The following FOXP1 variants were observed in gnomAD, a reference collection of about 807,000 sequenced individuals.
FOXP1 encodes the protein forkhead box protein P1.
A neutral mutation model predicts 98.2 loss-of-function variants in FOXP1; 15 were observed. That is an observed-to-expected ratio of 0.15 (90% CI 0.10 to 0.24). FOXP1 has a LOEUF of 0.24. Ranked by LOEUF, FOXP1 falls within the 10% of genes least tolerant of loss-of-function variation. The probability of loss-of-function intolerance (pLI) is 1.00; values close to 1 mark genes in which losing one functional copy is unlikely to be tolerated. For synonymous variants in FOXP1, 371 were observed against 314.5 expected (o/e 1.18, Z -1.90); for missense variants, 633 against 848.5 (o/e 0.75, Z 3.15).
rs2166780 is a variant in FOXP1, at chr3:71,163,647, T to C, written c.180+34555A>G. 1.6e-3 allele frequency among the ~76,000 whole-genome samples: 240 copies of C among 152,078 alleles called. 1 individual carries two copies. Among genetic ancestry groups the C allele is most frequent in the African/African-American group, 5.4e-3 (226 of 41,478 alleles). On this transcript the variant is annotated intron_variant, in intron 6 of 20. Coordinates refer to ENST00000649528, the MANE Select transcript of FOXP1 (RefSeq NM_001349338.3). ...CTTGTCAACTCGATATTTTCTCACATTTCAGAACAAGCAGGGAAACAACAA... is the reference window on the plus strand; with the variant it reads ...CTTGTCAACTCGATATTTTCTCACACTTCAGAACAAGCAGGGAAACAACAA...
intron 6 of FOXP1, among the ~76,000 whole-genome samples, chr3:71,139,165 T>G (rs892204893): frequency 6.6e-6 from 1 of 152,160 alleles, no homozygotes; most frequent in South Asian, 2.1e-4. Context: ...GGGGCATACA[T>G]AGAGATACGG....
chr3:71,124,462 C>T (rs1468650780), intron 6 of FOXP1, among the ~76,000 whole-genome samples: 4 of 151,522 alleles, frequency 2.6e-5, no homozygotes, highest in African/African-American at 9.7e-5. Context: ...AAAATAACTA[C>T]AATAGTTAAA....
chr3:71,132,014 C>T (rs1244155131), intron 6 of FOXP1, among the ~76,000 whole-genome samples: 1 of 152,190 alleles, frequency 6.6e-6, no homozygotes, highest in East Asian at 1.9e-4. Flanking sequence ...TCTAACTCAG[C>T]TGGTCCAGTT....
chr3:71,057,521 T>C (rs1483079862), intron 7 of FOXP1, among the ~76,000 whole-genome samples: 1 of 150,152 alleles, frequency 6.7e-6, no homozygotes. Flanking sequence ...TGTTTGAGTA[T>C]ATAGAAATGA....
At chr3:71,520,786 C>T (rs2042924068) in intron 2 of FOXP1, among the ~76,000 whole-genome samples, 1 of 152,162 alleles carries the variant, frequency 6.6e-6, no homozygotes, top group Non-Finnish European at 1.5e-5. Flanking sequence ...ATTTTCGTGA[C>T]ATTTATTTTT....
intron 7 of FOXP1, among the ~76,000 whole-genome samples, chr3:71,067,657 G>A (rs2052682716): frequency 6.6e-6 from 1 of 151,824 alleles, no homozygotes. Context: ...AGCACTTTGG[G>A]AGGCCAAGGC....
intron 6 of FOXP1, among the ~76,000 whole-genome samples, chr3:71,185,580 A>C (rs1209485011): frequency 6.6e-6 from 1 of 152,210 alleles, no homozygotes; most frequent in African/African-American, 2.4e-5. Flanking sequence ...TCAACTTTGC[A>C]CCTGGGTAGA....
chr3:71,254,910 TA>T (rs1280461537), intron 5 of FOXP1, among the ~76,000 whole-genome samples: 1 of 152,150 alleles, frequency 6.6e-6, no homozygotes, highest in Non-Finnish European at 1.5e-5. Context: ...ACATTTGAAA[TA>T]CTTGGGAGCA....
chr3:71,391,021 G>A (rs778478548), intron 3 of FOXP1, among the ~76,000 whole-genome samples: 5 of 152,078 alleles, frequency 3.3e-5, no homozygotes, highest in East Asian at 1.9e-4. Context: ...TCCCCCTCCC[G>A]CTGAACATCA....
chr3:71,331,679 G>T (rs1011874697), intron 4 of FOXP1, among the ~76,000 whole-genome samples: 1 of 152,174 alleles, frequency 6.6e-6, no homozygotes, highest in Non-Finnish European at 1.5e-5. Context: ...CCTGTGTCTA[G>T]CTCAGGGTTT....
At chr3:71,220,379 G>A (rs2065267442) in intron 5 of FOXP1, among the ~76,000 whole-genome samples, 1 of 152,182 alleles carries the variant, frequency 6.6e-6, no homozygotes, top group South Asian at 2.1e-4. Context: ...CACTTTCAGA[G>A]TAAAGCAGAA....
At chr3:71,187,212 C>T (rs899241132) in intron 6 of FOXP1, among the ~76,000 whole-genome samples, 1 of 152,234 alleles carries the variant, frequency 6.6e-6, no homozygotes, top group African/African-American at 2.4e-5. Flanking sequence ...TGAATCACTA[C>T]ATTACAGAAT....
chr3:71,112,611 A>G lies in FOXP1; in HGVS notation c.207T>C (p.Leu69=). 1 of 1,614,088 alleles carries G rather than the reference A, an allele frequency of 6.2e-7. No individual in the cohort carries two copies. The highest frequency in any genetic ancestry group is 8.5e-7 in the Non-Finnish European group (1 of 1,179,952). The change falls in exon 7 of 21, where the codon CTT becomes CTC. Residue 69 remains leucine, a synonymous_variant. Transcript: ENST00000649528. ...CTTGCTGCTGCTGTTGCTGCTGAAG[A>G]AGGAGCTGTCTTGCCACCTGAAGTG... ...QQALQVARQL[L]LQQQQQQQVS...
At chr3:71,161,529 T>C (rs1169260727) in intron 6 of FOXP1, among the ~76,000 whole-genome samples, 1 of 152,202 alleles carries the variant, frequency 6.6e-6, no homozygotes, top group Non-Finnish European at 1.5e-5. Flanking sequence ...TGCATTCTAC[T>C]GCCCAAAGCA....
intron 13 of FOXP1, among the ~76,000 whole-genome samples, chr3:70,992,566 G>A (rs886972673): frequency 3.3e-5 from 5 of 152,114 alleles, no homozygotes; most frequent in African/African-American, 1.2e-4. Context: ...TTTTAAATGA[G>A]TTCTTTCACA....
intron 7 of FOXP1, among the ~76,000 whole-genome samples, chr3:71,059,516 T>C (rs766846034): frequency 2.6e-5 from 4 of 152,158 alleles, no homozygotes; most frequent in Non-Finnish European, 5.9e-5. Flanking sequence ...CCATTAGCAA[T>C]TGTTAAATAC....
intron 7 of FOXP1, among the ~76,000 whole-genome samples, chr3:71,103,867 ACACTACAT>A (rs772478347): frequency 1.4e-4 from 21 of 152,150 alleles, no homozygotes; most frequent in Non-Finnish European, 2.8e-4. Context: ...AAAATGGAAA[ACACTACAT>A]CACTTGACCT....
chr3:71,071,357 A>G (rs1049288705), intron 7 of FOXP1, among the ~76,000 whole-genome samples: 2 of 152,168 alleles, frequency 1.3e-5, no homozygotes, highest in East Asian at 3.9e-4. Context: ...GGGCTCATCT[A>G]CAGGCCGCTG....
At chr3:71,270,629 A>T (rs2070251646) in intron 5 of FOXP1, among the ~76,000 whole-genome samples, 1 of 152,200 alleles carries the variant, frequency 6.6e-6, no homozygotes, top group Non-Finnish European at 1.5e-5. Flanking sequence ...GAGGGATGAG[A>T]GTTTTATCCT....
Sources: gnomAD v4.1 joint callset for allele counts (sites outside exome capture counted in the v4.1 genomes callset) on GRCh38, gnomAD v4.1.1 for gene constraint, MANE v1.5 for transcripts, NCBI Gene and HGNC (gene_info 2026-07-23, HGNC 2026-07-21) for gene names.